CFAP221: variants seen among roughly 807,000 people sequenced by gnomAD.
CFAP221 encodes cilia- and flagella-associated protein 221.
Under a neutral mutation model 113.1 loss-of-function variants are expected in CFAP221, and 97 were observed. The ratio of observed to expected loss-of-function variants is 0.86; its 90% CI spans 0.73 to 1.02. CFAP221 has a LOEUF of 1.02. Among genes scored for constraint, CFAP221 ranks in the 50% least tolerant of loss-of-function variants. The probability of loss-of-function intolerance (pLI) is 0.00; values close to 1 mark genes in which losing one functional copy is unlikely to be tolerated. For synonymous variants in CFAP221, 331 were observed against 354.4 expected (o/e 0.93, Z 0.74); for missense variants, 1,025 against 1,013.4 (o/e 1.01, Z -0.16).
At chr2:119,588,284 G>A (rs186890879) in intron 7 of CFAP221, among the ~76,000 whole-genome samples, 2 of 152,116 alleles carry the variant, frequency 1.3e-5, no homozygotes, top group African/African-American at 2.4e-5. Flanking sequence ...ACAGGTCAGC[G>A]TGCAGGTTTA....
At chr2:119,571,111 G>A (rs939932471) in intron 6 of CFAP221, among the ~76,000 whole-genome samples, 13 of 142,014 alleles carry the variant, frequency 9.2e-5, no homozygotes, top group African/African-American at 2.9e-4. Flanking sequence ...TGGTTACACC[G>A]TTAAATTAGT....
At chr2:119,559,903 C>G in intron 4 of CFAP221, 25 bp from the exon 5 acceptor site, 1 of 1,525,926 alleles carries the variant, frequency 6.6e-7, no homozygotes, top group South Asian at 1.2e-5. Flanking sequence ...GGGCTTGTCC[C>G]AACAAGATGC....
At chr2:119,637,685 A>T (rs943411226) in intron 19 of CFAP221, among the ~76,000 whole-genome samples, 4 of 152,208 alleles carry the variant, frequency 2.6e-5, no homozygotes, top group Admixed American at 2.6e-4. Flanking sequence ...TGCCTCCATT[A>T]GTTCTGCTGG....
intron 7 of CFAP221, among the ~76,000 whole-genome samples, chr2:119,600,747 A>G (rs1484722857): frequency 6.6e-6 from 1 of 152,050 alleles, no homozygotes; most frequent in Non-Finnish European, 1.5e-5. Flanking sequence ...AGTTAAACCG[A>G]CTGTGCCTGC....
rs774070629 is a variant in CFAP221 at position 119,559,782 on chromosome 2, G to A, written c.327+7G>A. On this transcript the variant is annotated splice_region_variant and intron_variant, in intron 4 of 23. Coordinates refer to ENST00000413369, the MANE Select transcript of CFAP221 (RefSeq NM_001271049.2). ...GATCAATTATGTAAGAAAGGTAAGC[G>A]TCATTGGTTTACCTGTTCTCCCACG... 8 of 1,515,254 alleles carry A rather than the reference G, an allele frequency of 5.3e-6. No homozygotes were observed. The highest frequency in any genetic ancestry group is 2.4e-5 in the South Asian group (2 of 83,636). 93.9% of individuals were successfully genotyped at this position (1,515,254 alleles called of 1,614,324 possible).
rs1353253365 is a variant in CFAP221, at chr2:119,630,870, T to G, written c.1943T>G (p.Met648Arg). The change falls in exon 19 of 24, where the codon ATG becomes AGG. Residue 648 changes from methionine to arginine, a missense_variant. Met to Arg is a moderately conservative substitution (Grantham distance 91, BLOSUM62 -1). Coordinates refer to ENST00000413369, the MANE Select transcript of CFAP221 (RefSeq NM_001271049.2). Reference sequence around the variant, plus strand: ...ATGAAACCACCTGAGGCCTTAGCCATGTCTCTAGATTATGATCCTCTGTAT... The same window carrying G: ...ATGAAACCACCTGAGGCCTTAGCCAGGTCTCTAGATTATGATCCTCTGTAT... ...LSMKPPEALAMSLDYDPLYVF... is the reference protein window; with the variant it reads ...LSMKPPEALARSLDYDPLYVF... 6.2e-7 allele frequency: 1 copy of G among 1,613,738 alleles called. No individual in the cohort carries two copies. The highest frequency in any genetic ancestry group is 8.5e-7 in the Non-Finnish European group (1 of 1,179,584).
chr2:119,559,582 A>G, intron 3 of CFAP221, 107 bp from the exon 4 acceptor site: 1 of 889,836 alleles, frequency 1.1e-6, no homozygotes, highest in South Asian at 1.6e-5. Context: ...AGTTAAATAT[A>G]GGATATCTCC....
At chr2:119,652,200 C>T (rs1384086672) in intron 23 of CFAP221, 131 bp downstream of exon 23, 1 of 586,712 alleles carries the variant, frequency 1.7e-6, no homozygotes, top group Non-Finnish European at 2.9e-6. Flanking sequence ...TCTGGTGCTT[C>T]ATATATTTAG....
At chr2:119,570,832 G>T (rs1407342951) in intron 6 of CFAP221, among the ~76,000 whole-genome samples, 2 of 152,160 alleles carry the variant, frequency 1.3e-5, no homozygotes, top group Non-Finnish European at 2.9e-5. Context: ...GAATAATGGT[G>T]CTATGAACAT....
chr2:119,649,200 G>A (rs1293650201), intron 22 of CFAP221, among the ~76,000 whole-genome samples: 2 of 152,086 alleles, frequency 1.3e-5, no homozygotes, highest in African/African-American at 4.8e-5. Context: ...AACTACAGAC[G>A]GTACCTGGCT....
intron 14 of CFAP221, among the ~76,000 whole-genome samples, chr2:119,617,194 G>A (rs74521588): frequency 0.014 from 2,153 of 152,296 alleles, 33 homozygotes; most frequent in South Asian, 0.064. Flanking sequence ...GCCTGGACTT[G>A]TGGCAGTCTA....
Position 119,616,453 on chromosome 2 carries a change from C to T in CFAP221, c.1410+744C>T, listed in dbSNP as rs1029602299. ...GAACAATTGAGAATGTCTGAGGGAT[C>T]GTACCTCTAGCATCCAGGCTTAATG... is the stretch of plus-strand genomic sequence containing the variant. On this transcript the variant is annotated intron_variant, in intron 14 of 23. Coordinates refer to ENST00000413369, the MANE Select transcript of CFAP221 (RefSeq NM_001271049.2). 1.7e-4 allele frequency among the ~76,000 whole-genome samples: 26 copies of T among 152,308 alleles called. No homozygotes were observed. The South Asian group carries it at 3.3e-3, about 19-fold the overall frequency.
intron 17 of CFAP221, 112 bp from the exon 18 acceptor site, chr2:119,630,458 G>T: frequency 1.3e-6 from 1 of 764,398 alleles, no homozygotes; most frequent in Non-Finnish European, 2.2e-6. Context: ...ACTACAACAT[G>T]GTGCTTGTCT....
chr2:119,570,943 T>C (rs72963181), intron 6 of CFAP221, among the ~76,000 whole-genome samples: 28,755 of 152,016 alleles, frequency 0.19, 2,904 homozygotes, highest in African/African-American at 0.25. Context: ...TTTAATATTT[T>C]AAGAACTGCC....
chr2:119,576,208 A>G (rs1682430868), intron 6 of CFAP221, among the ~76,000 whole-genome samples: 1 of 152,184 alleles, frequency 6.6e-6, no homozygotes, highest in African/African-American at 2.4e-5. Flanking sequence ...TTCAACTTTT[A>G]TTTTAGGTTC....
At chr2:119,644,394 C>A (rs755603749) in intron 21 of CFAP221, among the ~76,000 whole-genome samples, 2 of 152,310 alleles carry the variant, frequency 1.3e-5, no homozygotes, top group Non-Finnish European at 2.9e-5. Context: ...GCGGCCCAGA[C>A]CCTGAACTTC....
intron 4 of CFAP221, 59 bp from the exon 5 acceptor site, chr2:119,559,869 C>G: frequency 1.3e-6 from 2 of 1,486,812 alleles, no homozygotes; most frequent in Non-Finnish European, 1.8e-6. Context: ...TTGTCACCCC[C>G]GGTGCTGCTC....
intron 13 of CFAP221, among the ~76,000 whole-genome samples, chr2:119,615,236 T>A (rs184735789): frequency 6.6e-6 from 1 of 152,340 alleles, no homozygotes; most frequent in Admixed American, 6.5e-5. Context: ...CATGCAGGGC[T>A]GAGTAAAGTA....
At chr2:119,590,533 C>T (rs899274791) in intron 7 of CFAP221, among the ~76,000 whole-genome samples, 5 of 152,224 alleles carry the variant, frequency 3.3e-5, no homozygotes, top group East Asian at 1.9e-4. Flanking sequence ...CTGGACTTGC[C>T]GCTAGTCCAA....
Sources: allele counts gnomAD v4.1 joint callset (sites outside exome capture counted in the v4.1 genomes callset), GRCh38; gene constraint gnomAD v4.1.1; transcripts MANE v1.5; gene names NCBI Gene and HGNC (gene_info 2026-07-23, HGNC 2026-07-21).